Variants in NETO2 observed in about 807,000 individuals in gnomAD.
NETO2 encodes neuropilin and tolloid like 2, also known as neuropilin and tolloid-like protein 2.
A neutral mutation model predicts 62.5 loss-of-function variants in NETO2; 28 were observed. The observed-to-expected ratio is 0.45, with a 90% CI of 0.33 to 0.61. The LOEUF (loss-of-function observed/expected upper bound fraction) is 0.61. Ranked by LOEUF, NETO2 falls within the 20% of genes least tolerant of loss-of-function variation. The pLI is 0.02. For synonymous variants in NETO2, 214 were observed against 219.1 expected (o/e 0.98, Z 0.21); for missense variants, 548 against 643.2 (o/e 0.85, Z 1.60).
At chr16:47,137,957 C>T (rs1202553594) in intron 1 of NETO2, among the ~76,000 whole-genome samples, 4 of 152,156 alleles carry the variant, frequency 2.6e-5, no homozygotes, top group African/African-American at 9.7e-5. Context: ...TGTCTCACTA[C>T]CCAGCTGTGA....
At chr16:47,101,922 A>G (rs1415642545) in intron 7 of NETO2, among the ~76,000 whole-genome samples, 1 of 152,224 alleles carries the variant, frequency 6.6e-6, no homozygotes, top group African/African-American at 2.4e-5. Context: ...TCACAGAATT[A>G]GAAAAAACTA....
chr16:47,114,808 C>G (rs935031552), intron 6 of NETO2, among the ~76,000 whole-genome samples: 1 of 151,882 alleles, frequency 6.6e-6, no homozygotes, highest in Non-Finnish European at 1.5e-5. Context: ...TTTGTCTAAC[C>G]CAGTAAGATT....
rs1336890123 is a variant in NETO2, at chr16:47,081,012, G to A, written c.*2209C>T. On this transcript the variant is annotated 3_prime_UTR_variant, in exon 9 of 9. Transcript: ENST00000562435. ...TAAAACTGTGTACTTCTATTTTACT[G>A]TTATGTCTTCTTTAAAGGCTCTGTA... 1 of 150,966 alleles carries A rather than the reference G, an allele frequency of 6.6e-6. No homozygotes were observed. The highest frequency in any genetic ancestry group is 1.5e-5 in the Non-Finnish European group (1 of 67,916). 9.4% of individuals were successfully genotyped at this position (150,966 alleles called of 1,614,324 possible).
Position 47,118,873 on chromosome 16 carries a change from CTT to C in NETO2, c.654+3782_654+3783del, listed in dbSNP as rs749888556. Among the ~76,000 whole-genome samples the C allele has an allele frequency of 9.9e-5, 15 of 152,258 alleles. No homozygotes were observed. The East Asian group carries it at 2.7e-3, about 27-fold the overall frequency. On this transcript the variant is annotated intron_variant, in intron 6 of 8. Coordinates refer to ENST00000562435, the MANE Select transcript of NETO2 (RefSeq NM_018092.5). ...ATTATCAAACCAAACAAATAAATAA[CTT>C]AATATTAAATACCAGTGTTCAAACT... is the stretch of plus-strand genomic sequence containing the variant.
At chr16:47,107,471 T>C (rs1292801037) in intron 7 of NETO2, among the ~76,000 whole-genome samples, 3 of 152,144 alleles carry the variant, frequency 2.0e-5, no homozygotes, top group Non-Finnish European at 4.4e-5. Context: ...CAAAGGGATA[T>C]GGATTAGCAA....
At chr16:47,104,740 G>C (rs1271491160) in intron 7 of NETO2, among the ~76,000 whole-genome samples, 1 of 151,568 alleles carries the variant, frequency 6.6e-6, no homozygotes, top group African/African-American at 2.4e-5. Flanking sequence ...TTTTTTTTTG[G>C]ACAGAGTCTA....
At chr16:47,098,030 A>C (rs1048796191) in intron 7 of NETO2, among the ~76,000 whole-genome samples, 2 of 152,224 alleles carry the variant, frequency 1.3e-5, no homozygotes, top group African/African-American at 4.8e-5. Context: ...GGTCACCAAC[A>C]TCAAAGACCA....
intron 7 of NETO2, among the ~76,000 whole-genome samples, chr16:47,094,413 TTAC>T (rs1389095223): frequency 2.0e-5 from 3 of 148,940 alleles, no homozygotes. Context: ...TTTTATTTAT[TTAC>T]TTATTTATTT....
intron 1 of NETO2, among the ~76,000 whole-genome samples, chr16:47,140,254 A>G (rs1014454769): frequency 1.3e-5 from 2 of 152,112 alleles, no homozygotes; most frequent in Non-Finnish European, 2.9e-5. Context: ...CCACCTCTTA[A>G]GATGCTCCTT....
rs941150131 is a variant in NETO2, at chr16:47,083,567, T to C, written c.1232A>G (p.Asp411Gly). 6.2e-7 allele frequency: 1 copy of C among 1,614,218 alleles called. No homozygotes were observed. The highest frequency in any genetic ancestry group is 8.5e-7 in the Non-Finnish European group (1 of 1,180,042). ...CAATTCTTCCGACAAGTCTGCCAGG[T>C]CTGCAGAAATCTCTTTGTCCCTTAG... ...FSLRDKEISA[D>G]LADLSEELDN... Residue 411 changes from aspartate to glycine, a missense_variant, in exon 9 of 9, where the codon GAC (aspartate) becomes GGC (glycine). Asp to Gly is a moderately conservative substitution (Grantham distance 94). Coordinates refer to ENST00000562435, the MANE Select transcript of NETO2 (RefSeq NM_018092.5).
At chr16:47,119,237 C>T (rs568800670) in intron 6 of NETO2, among the ~76,000 whole-genome samples, 1 of 151,440 alleles carries the variant, frequency 6.6e-6, no homozygotes, top group South Asian at 2.1e-4. Context: ...CTGCAAGCTC[C>T]GCCTCCTGGG....
intron 6 of NETO2, among the ~76,000 whole-genome samples, chr16:47,115,590 C>T (rs13334981): frequency 0.13 from 19,755 of 148,952 alleles, 2,955 homozygotes; most frequent in African/African-American, 0.38. Flanking sequence ...TGCAGTGGTG[C>T]GCTCTTGGCT....
At chr16:47,087,402 T>C (rs1458011856) in intron 7 of NETO2, among the ~76,000 whole-genome samples, 1 of 152,048 alleles carries the variant, frequency 6.6e-6, no homozygotes, top group South Asian at 2.1e-4. Context: ...GGCAAACTCA[T>C]AGAAACAGAA....
intron 4 of NETO2, among the ~76,000 whole-genome samples, chr16:47,127,173 T>C (rs1964173850): frequency 1.3e-5 from 2 of 152,252 alleles, no homozygotes; most frequent in Non-Finnish European, 2.9e-5. Flanking sequence ...AAAAAGATCA[T>C]GCAGTTGTCT....
rs1362515044 is a variant in NETO2, at chr16:47,077,869, T to G, written c.*5352A>C. The G allele has an allele frequency of 6.6e-6, 1 of 152,272 alleles. No individual in the cohort carries two copies. Among genetic ancestry groups the G allele is most frequent in the Non-Finnish European group, 1.5e-5 (1 of 68,090 alleles). The allele number at this position is 152,272 out of a possible 1,614,324, so 9.4% of individuals were successfully genotyped here. A position where few individuals can be genotyped will look rare whatever the true frequency, so the allele number is the denominator to read the frequency against. ...GATCTGTGCCTGATGCTTGTGAAACTCAGAGGAGTTTCTGCCTTCTTTTGC... is the reference window on the plus strand; with the variant it reads ...GATCTGTGCCTGATGCTTGTGAAACGCAGAGGAGTTTCTGCCTTCTTTTGC... On this transcript the variant is annotated 3_prime_UTR_variant, in exon 9 of 9. Transcript: ENST00000562435.
intron 6 of NETO2, among the ~76,000 whole-genome samples, chr16:47,115,948 A>T (rs1353036802): frequency 6.6e-6 from 1 of 151,430 alleles, no homozygotes; most frequent in Non-Finnish European, 1.5e-5. Flanking sequence ...AGCTTTTCAG[A>T]TGCTATGGAA....
intron 4 of NETO2, among the ~76,000 whole-genome samples, chr16:47,126,066 T>A (rs1476693542): frequency 6.6e-6 from 1 of 152,228 alleles, no homozygotes; most frequent in Non-Finnish European, 1.5e-5. Context: ...ATACCTTATA[T>A]AAATGGAGTC....
At position 47,079,400 on chromosome 16, in the gene NETO2, C is replaced by T. The variant is rs1963023999; in HGVS notation, c.*3821G>A. On this transcript the variant is annotated 3_prime_UTR_variant, in exon 9 of 9. Transcript: ENST00000562435. Reference sequence around the variant, plus strand: ...CACGAGGTCAGGAGATTGAGACTATCCTGGCTAACACGGTGAAACCCCGTC... The same window carrying T: ...CACGAGGTCAGGAGATTGAGACTATTCTGGCTAACACGGTGAAACCCCGTC... 6.6e-6 allele frequency: 1 copy of T among 151,380 alleles called. No individual in the cohort carries two copies. Among genetic ancestry groups the T allele is most frequent in the African/African-American group, 2.4e-5 (1 of 41,126 alleles). The allele number at this position is 151,380 out of a possible 1,614,324, so 9.4% of individuals were successfully genotyped here.
chr16:47,126,984 C>T (rs1294411566), intron 4 of NETO2, among the ~76,000 whole-genome samples: 2 of 152,062 alleles, frequency 1.3e-5, no homozygotes, highest in Non-Finnish European at 2.9e-5. Flanking sequence ...TATATGTGTA[C>T]CATAATCCCA....
Sources: gnomAD v4.1 joint callset for allele counts (sites outside exome capture counted in the v4.1 genomes callset) on GRCh38, gnomAD v4.1.1 for gene constraint, MANE v1.5 for transcripts, NCBI Gene and HGNC (gene_info 2026-07-23, HGNC 2026-07-21) for gene names.